Variants in DMRT1 observed in about 807,000 individuals in gnomAD.
The protein encoded by DMRT1 is doublesex- and mab-3-related transcription factor 1.
A neutral mutation model predicts 32.3 loss-of-function variants in DMRT1; 7 were observed. The ratio of observed to expected loss-of-function variants is 0.22; its 90% CI spans 0.12 to 0.41. The LOEUF (loss-of-function observed/expected upper bound fraction) is 0.41. Among genes scored for constraint, DMRT1 ranks in the 10% least tolerant of loss-of-function variants. DMRT1 has a pLI of 1.00. For missense variants in DMRT1, 625 were observed against 500.5 expected (o/e 1.25, Z -2.37); for synonymous variants, 278 against 206.1 (o/e 1.35, Z -2.99).
At chr9:855,838 C>G (rs995393893) in intron 2 of DMRT1, among the ~76,000 whole-genome samples, 1 of 152,166 alleles carries the variant, frequency 6.6e-6, no homozygotes, top group African/African-American at 2.4e-5. Context: ...AGGCTGGTCT[C>G]AAACTCCTGG....
At chr9:900,079 A>C (rs1456921030) in intron 3 of DMRT1, among the ~76,000 whole-genome samples, 1 of 152,214 alleles carries the variant, frequency 6.6e-6, no homozygotes, top group East Asian at 1.9e-4. Context: ...CTACCACTGA[A>C]CAAAACACAA....
intron 2 of DMRT1, among the ~76,000 whole-genome samples, chr9:870,787 C>A (rs1045311167): frequency 2.2e-5 from 3 of 134,302 alleles, no homozygotes; most frequent in Non-Finnish European, 3.1e-5. Context: ...TCATGGCTCA[C>A]TGCACCCTCT....
At chr9:888,410 A>T (rs1817014539) in intron 2 of DMRT1, among the ~76,000 whole-genome samples, 1 of 151,048 alleles carries the variant, frequency 6.6e-6, no homozygotes, top group South Asian at 2.1e-4. Context: ...GGCTAAAGTG[A>T]TTCTCCTTCC....
chr9:894,021 G>T lies in DMRT1; in HGVS notation c.648G>T (p.Pro216=), dbSNP rs79140159. 8 of 1,614,092 alleles carry T rather than the reference G, an allele frequency of 5.0e-6. No individual in the cohort carries two copies. The highest frequency in any genetic ancestry group is 4.0e-5 in the African/African-American group (3 of 74,928). The part of the protein sequence containing the change: ...DSTYYSSFYQ[P]SLFPYYNNLY... ...CCTACTACAGCAGCTTCTACCAGCC[G>T]TCTCTGTTTCCTTATTACAACAATC... The change falls in exon 3 of 5, where the codon CCG becomes CCT. Residue 216 remains proline (P), a synonymous_variant. Transcript: ENST00000382276.
At chr9:894,714 C>A (rs16925457) in intron 3 of DMRT1, 4,015 of 189,450 alleles carry the variant, frequency 0.021, 58 homozygotes, top group South Asian at 0.028. Context: ...AAAAGGAATT[C>A]GGTCACTGTT....
intron 4 of DMRT1, among the ~76,000 whole-genome samples, chr9:962,398 T>TG (rs1819802504): frequency 6.6e-6 from 1 of 152,152 alleles, no homozygotes. Flanking sequence ...CAAAGGGTGC[T>TG]GAGCCCCTAT....
In DMRT1 at chr9:924,306, A is replaced by G. The variant is rs552595187; in HGVS notation, c.967+7399A>G. On this transcript the variant is annotated intron_variant, in intron 4 of 4. Transcript: ENST00000382276. Reference sequence around the variant, plus strand: ...AGGCTGGTCTCGAACTCCTGACCTCAAGTGATCTGCCCGCCTTGGCCTCCC... The same window carrying G: ...AGGCTGGTCTCGAACTCCTGACCTCGAGTGATCTGCCCGCCTTGGCCTCCC... Among the ~76,000 whole-genome samples, 3 of 152,212 alleles carry G rather than the reference A, an allele frequency of 2.0e-5. No individual in the cohort carries two copies. In the South Asian group the frequency reaches 6.2e-4, roughly 32 times the overall value.
intron 2 of DMRT1, among the ~76,000 whole-genome samples, chr9:858,862 AAAAAAAAAATATAT>A (rs1217550618): frequency 0.011 from 717 of 67,982 alleles, 4 homozygotes; most frequent in African/African-American, 0.034. Flanking sequence ...TCAAAAAAAA[AAAAAAAAAATATAT>A]ATATATATAT....
intron 3 of DMRT1, among the ~76,000 whole-genome samples, chr9:911,477 T>A (rs200679177): frequency 2.4e-4 from 11 of 46,352 alleles, no homozygotes; most frequent in Admixed American, 2.2e-3. Flanking sequence ...TGCATTTTTT[T>A]TTTTTTTTTT....
intron 4 of DMRT1, among the ~76,000 whole-genome samples, chr9:924,836 C>T (rs1358271452): frequency 1.3e-5 from 2 of 152,164 alleles, no homozygotes; most frequent in African/African-American, 4.8e-5. Flanking sequence ...AAGAATGGTA[C>T]AGAAGCAAGC....
intron 3 of DMRT1, among the ~76,000 whole-genome samples, chr9:900,735 A>C (rs542137959): frequency 5.5e-4 from 82 of 150,298 alleles, no homozygotes; most frequent in African/African-American, 1.8e-3. Context: ...CCCAGACTGG[A>C]GTGCAGTAGT....
intron 2 of DMRT1, among the ~76,000 whole-genome samples, chr9:862,634 C>T (rs372612160): frequency 4.6e-5 from 7 of 152,094 alleles, no homozygotes; most frequent in African/African-American, 1.7e-4. Flanking sequence ...TGCTGTTGTC[C>T]AGGTGAAAGG....
At chr9:898,227 C>G (rs981379189) in intron 3 of DMRT1, among the ~76,000 whole-genome samples, 9 of 152,036 alleles carry the variant, frequency 5.9e-5, no homozygotes, top group Admixed American at 2.6e-4. Context: ...TCAAGTGATT[C>G]CTGTGCCTCA....
chr9:967,696 G>A (rs1201725026), intron 4 of DMRT1, among the ~76,000 whole-genome samples: 2 of 152,172 alleles, frequency 1.3e-5, no homozygotes, highest in Non-Finnish European at 2.9e-5. Context: ...TCCCAAAGAG[G>A]ATGCAGCCGA....
At chr9:897,467 G>C (rs958709963) in intron 3 of DMRT1, among the ~76,000 whole-genome samples, 5 of 151,784 alleles carry the variant, frequency 3.3e-5, no homozygotes, top group Non-Finnish European at 4.4e-5. Context: ...GGTAATATAC[G>C]TATAAAGGAA....
chr9:935,734 C>T (rs1818865148), intron 4 of DMRT1, among the ~76,000 whole-genome samples: 1 of 152,222 alleles, frequency 6.6e-6, no homozygotes, highest in Non-Finnish European at 1.5e-5. Context: ...TACACCCCCT[C>T]CAGACCCGTT....
At chr9:936,703 G>T (rs543170830) in intron 4 of DMRT1, among the ~76,000 whole-genome samples, 1 of 145,826 alleles carries the variant, frequency 6.9e-6, no homozygotes, top group African/African-American at 2.6e-5. Context: ...GCAGTGAGCC[G>T]AGATCACACC....
At chr9:876,021 G>C (rs1450593814) in intron 2 of DMRT1, among the ~76,000 whole-genome samples, 2 of 152,154 alleles carry the variant, frequency 1.3e-5, no homozygotes, top group Non-Finnish European at 2.9e-5. Context: ...GGGGATGCTG[G>C]AGTTGACACA....
chr9:907,413 A>G (rs1817815274), intron 3 of DMRT1, among the ~76,000 whole-genome samples: 1 of 152,208 alleles, frequency 6.6e-6, no homozygotes, highest in Non-Finnish European at 1.5e-5. Flanking sequence ...TAGATTTCTC[A>G]AGATGAAGAA....
Sources: allele counts gnomAD v4.1 joint callset (sites outside exome capture counted in the v4.1 genomes callset), GRCh38; gene constraint gnomAD v4.1.1; transcripts MANE v1.5; gene names NCBI Gene and HGNC (gene_info 2026-07-23, HGNC 2026-07-21).